Variants in ARID2 observed in about 807,000 individuals in gnomAD.
ARID2 encodes AT-rich interactive domain-containing protein 2.
ARID2 carries 32 observed loss-of-function variants against 184.6 expected under a neutral mutation model. The ratio of observed to expected loss-of-function variants is 0.17; its 90% confidence interval spans 0.13 to 0.23. The LOEUF (loss-of-function observed/expected upper bound fraction) is 0.23, where lower values mean the gene tolerates loss of function less well. ARID2 is among the 10% of genes least tolerant of loss of function. ARID2 has a pLI of 1.00. For synonymous variants in ARID2, 836 were observed against 772.6 expected (o/e 1.08, Z -1.36); for missense variants, 1,696 against 2,197.6 (o/e 0.77, Z 4.56).
chr12:45,892,030 A>T lies in ARID2; in HGVS notation c.5081A>T (p.Asp1694Val). The T allele has an allele frequency of 6.2e-7, 1 of 1,614,194 alleles. No individual in the cohort carries two copies. The highest frequency in any genetic ancestry group is 8.5e-7 in the Non-Finnish European group (1 of 1,180,008). ...AAAAAGGATAAGCACTGTTCAAAGG[A>T]TGCCCTACTTGCAGGATTAAAACAA... ...THLQDKHCSK[D>V]ALLAGLKQDE... The change falls in exon 18 of 21, where the codon GAT (aspartate) becomes GTT (valine). Residue 1694 changes from aspartate to valine, a missense_variant. Asp to Val is a radical substitution (Grantham distance 152). This residue lies in a region of ARID2 where 58 missense variants were observed against 47.1 expected (regional missense o/e 1.23). Coordinates refer to ENST00000334344, the MANE Select transcript of ARID2 (RefSeq NM_152641.4).
intron 6 of ARID2, among the ~76,000 whole-genome samples, chr12:45,831,095 T>TA (rs1943113243): frequency 6.6e-6 from 1 of 152,070 alleles, no homozygotes; most frequent in Non-Finnish European, 1.5e-5. Flanking sequence ...TGAGGAAGAT[T>TA]AGATGTTTCC....
intron 11 of ARID2, among the ~76,000 whole-genome samples, chr12:45,846,336 A>G (rs1943439209): frequency 6.6e-6 from 1 of 152,150 alleles, no homozygotes; most frequent in Non-Finnish European, 1.5e-5. Context: ...AAAATTTTAT[A>G]TATGCCACTT....
Position 45,851,549 on chromosome 12 carries a change from T to C in ARID2, c.3426T>C (p.Thr1142=), listed in dbSNP as rs2138171887. The C allele has an allele frequency of 6.2e-7, 1 of 1,614,156 alleles. No individual in the cohort carries two copies. Among genetic ancestry groups the C allele is most frequent in the African/African-American group, 1.3e-5 (1 of 75,058 alleles). Residue 1142 remains threonine, a synonymous_variant, in exon 15 of 21, where the codon ACT becomes ACC. Transcript: ENST00000334344. The stretch of plus-strand genomic sequence containing the variant: ...TGCCACCCTCAGGGGGAGTACAAAC[T>C]GTGCCCATTTCGAACTTACAAATAT... ...SAMPPSGGVQ[T]VPISNLQILP... is the part of the protein sequence containing the mutation.
rs2138179358 is a variant in ARID2, at chr12:45,852,515, C to T, written c.4392C>T (p.Arg1464=). The stretch of plus-strand genomic sequence containing the variant: ...TGAATTCAGATGTGCCTCAGCAACG[C>T]CCAAGTGTAGTTGTCTCACCACATT... ...SSLNSDVPQQ[R]PSVVVSPHST... Residue 1464 remains arginine (R), a synonymous_variant, in exon 15 of 21, where the codon CGC becomes CGT. Coordinates refer to ENST00000334344, the MANE Select transcript of ARID2 (RefSeq NM_152641.4). 6.2e-7 allele frequency: 1 copy of T among 1,614,144 alleles called. No individual in the cohort carries two copies. Among genetic ancestry groups the T allele is most frequent in the Non-Finnish European group, 8.5e-7 (1 of 1,180,002 alleles).
At chr12:45,846,669 AGTGCCTGGTATGATATGT>A (rs1565620111) in intron 11 of ARID2, among the ~76,000 whole-genome samples, 169 bp from the exon 12 acceptor site, 1 of 152,152 alleles carries the variant, frequency 6.6e-6, no homozygotes, top group Non-Finnish European at 1.5e-5. Flanking sequence ...CCTCTAAGAC[AGTGCCTGGTATGATATGT>A]GCTCCATTAT....
Position 45,852,757 on chromosome 12 carries a change from A to G in ARID2, c.4634A>G (p.Asn1545Ser), listed in dbSNP as rs765365503. The G allele has an allele frequency of 6.8e-6, 11 of 1,614,046 alleles. No homozygotes were observed. The highest frequency in any genetic ancestry group is 2.2e-5 in the South Asian group (2 of 91,088). The change falls in exon 15 of 21, where the codon AAC (asparagine) becomes AGC (serine). Residue 1545 changes from asparagine to serine, a missense_variant. Asn to Ser is a conservative substitution (Grantham distance 46). Coordinates refer to ENST00000334344, the MANE Select transcript of ARID2 (RefSeq NM_152641.4). ...GVRIVTISDP[N>S]NAGCSATMVA... The stretch of plus-strand genomic sequence containing the variant: ...AGAATTGTTACAATCAGTGACCCCA[A>G]CAATGCTGGCTGCAGCGCAACAATG...
intron 2 of ARID2, 138 bp from the exon 3 acceptor site, chr12:45,731,079 C>T (rs990901862): frequency 6.2e-5 from 38 of 608,674 alleles, no homozygotes; most frequent in African/African-American, 5.6e-4. Context: ...TGCTTAGTAA[C>T]TCTTACCGAT....
chr12:45,796,081 AC>A (rs143792478), intron 3 of ARID2, among the ~76,000 whole-genome samples: 3,589 of 152,160 alleles, frequency 0.024, 155 homozygotes, highest in African/African-American at 0.082. Flanking sequence ...CACTTTCTCT[AC>A]CACTTAAAAA....
At chr12:45,809,548 T>C (rs1942664620) in intron 3 of ARID2, among the ~76,000 whole-genome samples, 1 of 152,234 alleles carries the variant, frequency 6.6e-6, no homozygotes, top group African/African-American at 2.4e-5. Flanking sequence ...AAATTCTGTC[T>C]GCAAGGGACA....
rs534235849 is a variant in ARID2, at chr12:45,868,434, C to CT, written c.4922+7486dup. 3.6e-3 allele frequency among the ~76,000 whole-genome samples: 553 copies of CT among 152,262 alleles called. 1 individual carries two copies. Among genetic ancestry groups the CT allele is most frequent in the Non-Finnish European group, 6.1e-3 (414 of 68,018 alleles). On this transcript the variant is annotated intron_variant, in intron 16 of 20. Coordinates refer to ENST00000334344, the MANE Select transcript of ARID2 (RefSeq NM_152641.4). The stretch of plus-strand genomic sequence containing the variant: ...CCAGCCTGGGTGACAAAGCGAGACT[C>CT]TGTCTCAAAGAGGAAAAAAAGAAGG...
At chr12:45,790,091 C>A (rs997364757) in intron 3 of ARID2, among the ~76,000 whole-genome samples, 6 of 152,240 alleles carry the variant, frequency 3.9e-5, no homozygotes, top group Middle Eastern at 3.4e-3. Flanking sequence ...ACTTAGATGT[C>A]CTATAAATAG....
chr12:45,874,348 T>A lies in ARID2; in HGVS notation c.4922+13399T>A, dbSNP rs367870273. ...CTGTCTCTTAAAAAAAAAAAAAAGA[T>A]TGAGTCAGTCTTCTCAAACCCTGCT... On this transcript the variant is annotated intron_variant, in intron 16 of 20. Coordinates refer to ENST00000334344, the MANE Select transcript of ARID2 (RefSeq NM_152641.4). 2.4e-3 allele frequency: 408 copies of A among 169,324 alleles called. 14 individuals are homozygous for A. In the South Asian group the frequency reaches 0.061, roughly 25 times the overall value. The allele number at this position is 169,324 out of a possible 1,614,324, so 10.5% of individuals were successfully genotyped here.
At chr12:45,758,872 G>A (rs1459553757) in intron 3 of ARID2, among the ~76,000 whole-genome samples, 8 of 152,154 alleles carry the variant, frequency 5.3e-5, no homozygotes, top group Admixed American at 5.2e-4. Context: ...ACACAAGGGA[G>A]ACTGGGAAAT....
At chr12:45,752,561 G>T (rs956991479) in intron 3 of ARID2, among the ~76,000 whole-genome samples, 1 of 152,168 alleles carries the variant, frequency 6.6e-6, no homozygotes, top group Non-Finnish European at 1.5e-5. Context: ...TGGCTCTGTT[G>T]CCCAGGCTGG....
chr12:45,739,235 T>C (rs1473446296), intron 3 of ARID2, among the ~76,000 whole-genome samples: 5 of 152,074 alleles, frequency 3.3e-5, no homozygotes, highest in African/African-American at 1.2e-4. Flanking sequence ...TGCTTTGGCC[T>C]CCCAAAGTGC....
intron 3 of ARID2, among the ~76,000 whole-genome samples, chr12:45,735,090 A>G (rs1033935898): frequency 3.3e-5 from 5 of 151,800 alleles, no homozygotes; most frequent in Admixed American, 6.6e-5. Flanking sequence ...TACATTTTCA[A>G]TCGCATTGTG....
rs142127790 is a variant in ARID2 at position 45,852,190 on chromosome 12, C to T, written c.4067C>T (p.Pro1356Leu). The T allele has an allele frequency of 4.3e-5, 70 of 1,614,032 alleles. No individual in the cohort carries two copies. The highest frequency in any genetic ancestry group is 5.7e-5 in the Non-Finnish European group (67 of 1,179,988). Residue 1356 changes from proline to leucine, a missense_variant, in exon 15 of 21, where the codon CCG (proline) becomes CTG (leucine). Around this residue, in one of 11 missense-constraint regions of ARID2, gnomAD observed 428 missense variants for 409.1 expected, o/e 1.05. Coordinates refer to ENST00000334344, the MANE Select transcript of ARID2 (RefSeq NM_152641.4). ...MQDIKSDLRK[P>L]LVNGICDFDK... The stretch of plus-strand genomic sequence containing the variant: ...GATATCAAAAGTGATTTGAGAAAAC[C>T]GCTAGTTAATGGAATCTGTGATTTT...
chr12:45,875,796 C>T (rs1944000288), intron 16 of ARID2, among the ~76,000 whole-genome samples: 1 of 152,208 alleles, frequency 6.6e-6, no homozygotes, highest in African/African-American at 2.4e-5. Flanking sequence ...CTACCTCTCT[C>T]AACCTATGCA....
At chr12:45,865,325 A>G (rs1943815024) in intron 16 of ARID2, among the ~76,000 whole-genome samples, 2 of 151,972 alleles carry the variant, frequency 1.3e-5, no homozygotes, top group Admixed American at 6.6e-5. Context: ...TCATACTCCA[A>G]AAAAAATGTT....
Sources: gnomAD v4.1 joint callset for allele counts (sites outside exome capture counted in the v4.1 genomes callset) on GRCh38, gnomAD v4.1.1 for gene constraint, gnomAD v4.1.1 regional missense constraint, MANE v1.5 for transcripts, NCBI Gene and HGNC (gene_info 2026-07-23, HGNC 2026-07-21) for gene names.